Variants in VASH2 observed in about 807,000 individuals in gnomAD.
VASH2 encodes tubulinyl-Tyr carboxypeptidase 2.
In VASH2, 28 loss-of-function variants were observed where a neutral mutation model predicts 37.2. The ratio of observed to expected loss-of-function variants is 0.75; its 90% confidence interval spans 0.56 to 1.03. The LOEUF (loss-of-function observed/expected upper bound fraction) is 1.03, where lower values mean the gene tolerates loss of function less well. VASH2 is among the 50% of genes least tolerant of loss of function. The pLI, the probability that VASH2 is intolerant of heterozygous loss-of-function variation, is 0.00. For synonymous variants in VASH2, 188 were observed against 174.7 expected, an observed-to-expected ratio of 1.08 and a Z score of -0.60; for missense variants, 419 against 459.1, an observed-to-expected ratio of 0.91 and a Z score of 0.80.
intron 7 of VASH2, 134 bp downstream of exon 7, chr1:212,974,204 T>C: frequency 8.6e-7 from 1 of 1,161,498 alleles, no homozygotes; most frequent in Non-Finnish European, 1.2e-6. Context: ...GGACTGCCCC[T>C]CATTCAGGGG....
intron 7 of VASH2, among the ~76,000 whole-genome samples, chr1:212,986,275 T>G (rs1303224425): frequency 6.6e-6 from 1 of 152,214 alleles, no homozygotes; most frequent in Non-Finnish European, 1.5e-5. Context: ...GATTGCTGAA[T>G]TTTCTACAAG....
rs1276471714 is a variant in VASH2 at position 212,963,504 on chromosome 1, G to A, written c.366-2218G>A. ...CTGACTGTGAATGTGCTCAGCTGGC[G>A]GTGGGGATAGGAAAGGACAAATCCT... On this transcript the variant is annotated intron_variant, in intron 3 of 7. Transcript: ENST00000517399. Among the ~76,000 whole-genome samples the A allele has an allele frequency of 1.2e-4, 19 of 152,118 alleles. No homozygotes were observed. The East Asian group carries it at 2.1e-3, about 17-fold the overall frequency.
rs145137597 is a variant in VASH2, at chr1:212,987,683, AC to A, written c.996-828del. Among the ~76,000 whole-genome samples the A allele has an allele frequency of 8.9e-3, 1,351 of 152,382 alleles. 46 individuals are homozygous for A. Among genetic ancestry groups the A allele is most frequent in the East Asian group, 0.072 (375 of 5,192 alleles). On this transcript the variant is annotated intron_variant, in intron 7 of 7. Transcript: ENST00000517399. ...TTTTGAATTAGAACTCACTAGCCATACTGAATATCCTAAACTTGATTCATGA... is the reference window on the plus strand; with the variant it reads ...TTTTGAATTAGAACTCACTAGCCATATGAATATCCTAAACTTGATTCATGA...
intron 2 of VASH2, among the ~76,000 whole-genome samples, 190 bp downstream of exon 2, chr1:212,952,008 G>T (rs1010214195): frequency 2.6e-5 from 4 of 152,206 alleles, no homozygotes; most frequent in African/African-American, 9.7e-5. Context: ...CCTAAGAAAT[G>T]GGGAAGGGAG....
At chr1:212,963,766 C>CT (rs957716231) in intron 3 of VASH2, among the ~76,000 whole-genome samples, 100 of 147,892 alleles carry the variant, frequency 6.8e-4, no homozygotes, top group Non-Finnish European at 9.8e-4. Flanking sequence ...TTCAGGTACA[C>CT]TTTTTTTTTT....
intron 3 of VASH2, among the ~76,000 whole-genome samples, chr1:212,964,936 T>TC (rs1558145027): frequency 2.0e-5 from 3 of 152,008 alleles, no homozygotes; most frequent in African/African-American, 7.2e-5. Context: ...TTTTTTTTTT[T>TC]TTTAGACAGA....
chr1:212,971,001 CTCTG>C lies in VASH2; in HGVS notation c.498-1573_498-1570del, dbSNP rs971732071. ...AGCCCCTGCCCACCACCGTTCTACT[CTCTG>C]TCTGTATGCACTTGCTACTCCAGGT... On this transcript the variant is annotated intron_variant, in intron 5 of 7. Transcript: ENST00000517399. This position sits in a 1 kb window ranked among gnomAD's most constrained non-coding sequence, Gnocchi z 4.0. Among the ~76,000 whole-genome samples, 1 of 152,114 alleles carries C rather than the reference CTCTG, an allele frequency of 6.6e-6. No homozygotes were observed. The highest frequency in any genetic ancestry group is 1.9e-4 in the East Asian group (1 of 5,196).
At chr1:212,968,216 A>C (rs2102638296) in intron 5 of VASH2, 1 of 985,436 alleles carries the variant, frequency 1.0e-6, no homozygotes. Context: ...AGGAGCTGTG[A>C]TTAGGAGGTT....
chr1:212,984,153 C>G (rs563854096), intron 7 of VASH2, among the ~76,000 whole-genome samples: 2 of 152,146 alleles, frequency 1.3e-5, no homozygotes, highest in South Asian at 4.1e-4. Flanking sequence ...GGTGCAAGTG[C>G]GAGGGAAAAG....
intron 6 of VASH2, 102 bp from the exon 7 acceptor site, chr1:212,973,853 G>GCATTCTAAGCC (rs1257330432): frequency 6.8e-7 from 1 of 1,474,750 alleles, no homozygotes; most frequent in Non-Finnish European, 9.0e-7. Flanking sequence ...CTAAACCATG[G>GCATTCTAAGCC]CATCATGATT....
intron 7 of VASH2, among the ~76,000 whole-genome samples, chr1:212,984,299 C>A (rs1050955756): frequency 6.6e-5 from 10 of 152,114 alleles, no homozygotes; most frequent in African/African-American, 2.4e-4. Flanking sequence ...GGCTGAGGGG[C>A]TCCAAAGTGA....
rs760192477 is a variant in VASH2 at position 212,951,635 on chromosome 1, C to T, written c.93C>T (p.Ser31=). 6 of 1,575,910 alleles carry T rather than the reference C, an allele frequency of 3.8e-6. No individual in the cohort carries two copies. Among genetic ancestry groups the T allele is most frequent in the South Asian group, 2.3e-5 (2 of 85,912 alleles). Residue 31 remains serine, a synonymous_variant, in exon 2 of 8, where the codon AGC becomes AGT. Transcript: ENST00000517399. This position sits in a 1 kb window ranked among gnomAD's most constrained non-coding sequence, Gnocchi z 4.4. ...RSRSSHARPV[S]LATSGGSEEE... is the part of the protein sequence containing the mutation. The stretch of plus-strand genomic sequence containing the variant: ...GGAGCAGCCACGCGCGGCCCGTGAG[C>T]CTCGCCACCAGCGGGGGCTCAGAGG...
chr1:212,961,141 C>A, intron 2 of VASH2, 25 bp from the exon 3 acceptor site: 3 of 1,612,952 alleles, frequency 1.9e-6, no homozygotes, highest in Non-Finnish European at 2.5e-6. Flanking sequence ...TTCATAAACA[C>A]CTCCTCTTCT....
intron 2 of VASH2, among the ~76,000 whole-genome samples, chr1:212,960,021 C>T (rs1666624348): frequency 6.6e-6 from 1 of 152,200 alleles, no homozygotes; most frequent in South Asian, 2.1e-4. Flanking sequence ...GGTCAGAAGA[C>T]CGAGAAACAT....
In VASH2 at chr1:212,951,602, C is replaced by G. The variant is rs767386249; in HGVS notation, c.60C>G (p.Thr20=). The stretch of plus-strand genomic sequence containing the variant: ...CCCACCCCAAAGGCGCCAAAGGCAC[C>G]CGGTCCCGGAGCAGCCACGCGCGGC... ...RCPHPKGAKG[T]RSRSSHARPV... is the part of the protein sequence containing the mutation. The change falls in exon 2 of 8, where the codon ACC becomes ACG. Residue 20 remains threonine, a synonymous_variant. Transcript: ENST00000517399. This position sits in a 1 kb window ranked among gnomAD's most constrained non-coding sequence, Gnocchi z 4.4. 6.4e-7 allele frequency: 1 copy of G among 1,553,508 alleles called. No homozygotes were observed. Among genetic ancestry groups the G allele is most frequent in the Non-Finnish European group, 8.7e-7 (1 of 1,148,842 alleles).
intron 2 of VASH2, among the ~76,000 whole-genome samples, chr1:212,954,090 T>A (rs184333015): frequency 4.6e-5 from 7 of 152,052 alleles, no homozygotes; most frequent in African/African-American, 1.4e-4. Flanking sequence ...TAAAAAAAAA[T>A]TTTGTAGAGA....
chr1:212,983,445 G>A (rs915016825), intron 7 of VASH2, among the ~76,000 whole-genome samples: 2 of 152,184 alleles, frequency 1.3e-5, no homozygotes, highest in African/African-American at 4.8e-5. Flanking sequence ...AGTGTGCAAA[G>A]GGGCCAAAGT....
At chr1:212,966,762 G>C (rs1376216538) in intron 5 of VASH2, among the ~76,000 whole-genome samples, 2 of 152,166 alleles carry the variant, frequency 1.3e-5, no homozygotes, top group African/African-American at 2.4e-5. Flanking sequence ...CCCATCTCCA[G>C]GGAAATGTCT....
chr1:212,961,147 C>T lies in VASH2; in HGVS notation c.277-19C>T, dbSNP rs978697701. 3.7e-6 allele frequency: 6 copies of T among 1,613,890 alleles called. No individual in the cohort carries two copies. In the East Asian group the frequency reaches 8.9e-5, roughly 24 times the overall value. ...AGCGCCTCCTTCATAAACACCTCCT[C>T]TTCTCTATTTTTCTGCAGCCTTCAA... On this transcript the variant is annotated intron_variant, in intron 2 of 7. Transcript: ENST00000517399.
Sources: allele counts gnomAD v4.1 joint callset (sites outside exome capture counted in the v4.1 genomes callset), GRCh38; gene constraint gnomAD v4.1.1; non-coding constraint Gnocchi (gnomAD v3.1); transcripts MANE v1.5; gene names NCBI Gene and HGNC (gene_info 2026-07-23, HGNC 2026-07-21).